Variants in NBPF14 observed in about 807,000 individuals in gnomAD.
NBPF14 encodes NBPF family member NBPF14.
Under a neutral mutation model 91.2 loss-of-function variants are expected in NBPF14, and 104 were observed. That is an observed-to-expected ratio of 1.14 (90% CI 0.97 to 1.34). The LOEUF (loss-of-function observed/expected upper bound fraction) is 1.34. Among genes scored for constraint, NBPF14 ranks in the 40% most tolerant of loss-of-function variants. The pLI, the probability that NBPF14 is intolerant of heterozygous loss-of-function variation, is 0.00. For missense variants in NBPF14, 908 were observed against 783.0 expected, an observed-to-expected ratio of 1.16 and a Z score of -1.91; for synonymous variants, 294 against 303.8, an observed-to-expected ratio of 0.97 and a Z score of 0.34.
At chr1:148,539,326 C>G (rs1312067392) in intron 63 of NBPF14, 84 bp downstream of exon 63, 1 of 577,890 alleles carries the variant, frequency 1.7e-6, no homozygotes, top group Non-Finnish European at 3.0e-6. Flanking sequence ...TCTCTCGGGT[C>G]AGTAAGGGGC....
At chr1:148,542,101 G>A (rs1470707960) in intron 59 of NBPF14, among the ~76,000 whole-genome samples, 10 of 100,918 alleles carry the variant, frequency 9.9e-5, no homozygotes, top group Admixed American at 4.4e-4. Context: ...AAACAGTTAC[G>A]CCATATTTTT....
exon 37 of NBPF14, chr1:148,559,811 A>G: frequency 2.6e-6 from 4 of 1,531,880 alleles, no homozygotes; most frequent in East Asian, 2.5e-5. Context: ...TCAACAGCCA[A>G]GCCAACACGC....
At chr1:148,533,753 A>C (rs1261410894) in intron 70 of NBPF14, 108 bp downstream of exon 70, 1 of 760,134 alleles carries the variant, frequency 1.3e-6, no homozygotes, top group Non-Finnish European at 2.4e-6. Flanking sequence ...CAGTAGGAGT[A>C]ATTCAGCCTT....
intron 37 of NBPF14, among the ~76,000 whole-genome samples, chr1:148,559,409 G>A (rs1250697786): frequency 0.015 from 2,051 of 133,958 alleles, 195 homozygotes; most frequent in Non-Finnish European, 0.02. Flanking sequence ...TATTCACCCT[G>A]TCTCATCAAA....
chr1:148,542,096 G>A (rs1312896266), intron 59 of NBPF14, among the ~76,000 whole-genome samples: 2 of 100,310 alleles, frequency 2.0e-5, no homozygotes, highest in African/African-American at 7.8e-5. Flanking sequence ...TGTGCAAACA[G>A]TTACGCCATA....
At chr1:148,542,430 T>A in intron 59 of NBPF14, 124 bp downstream of exon 59, 1 of 77,786 alleles carries the variant, frequency 1.3e-5, no homozygotes. Context: ...AACCTACATG[T>A]GCCTATAGGT....
At chr1:148,566,357 C>T (rs1363397620) in intron 28 of NBPF14, 42 bp from the exon 29 acceptor site, 2 of 749,868 alleles carry the variant, frequency 2.7e-6, no homozygotes, top group African/African-American at 1.9e-5. Flanking sequence ...CAGGGGAAAT[C>T]AGACACAACA....
In NBPF14 at chr1:148,585,973, C is replaced by G. The variant is rs1423974084; in HGVS notation, c.1306+282G>C. ...CTCTTTTCACTCTAACAAGCCTGCT[C>G]CCATCGCAGCCTCCTTCCTGTCCTT... On this transcript the variant is annotated intron_variant, in intron 9 of 70. Transcript: ENST00000619423. Among the ~76,000 whole-genome samples the G allele has an allele frequency of 9.3e-4, 141 of 151,270 alleles. No homozygotes were observed. In the East Asian group the frequency reaches 0.025, roughly 27 times the overall value.
At chr1:148,566,448 T>C (rs1658318208) in intron 28 of NBPF14, 133 bp from the exon 29 acceptor site, 8 of 600,158 alleles carry the variant, frequency 1.3e-5, no homozygotes, top group South Asian at 4.0e-5. Context: ...AGGTAACAAA[T>C]TGTTGCCTTC....
Position 148,559,690 on chromosome 1 carries a change from G to T in NBPF14, c.4729+103C>A, listed in dbSNP as rs1451336609. The T allele has an allele frequency of 1.5e-4, 100 of 686,496 alleles. 10 individuals carry two copies. The East Asian group carries it at 2.7e-3, about 19-fold the overall frequency. 42.5% of individuals were successfully genotyped at this position (686,496 alleles called of 1,614,324 possible). A position where few individuals can be genotyped will look rare whatever the true frequency, so the allele number is the denominator to read the frequency against. ...ACATGTGCCTATAGGTCCTCCCTGT[G>T]GCAATGACATCTCTCAGCTCAGTAA... On this transcript the variant is annotated intron_variant, in intron 37 of 70. Coordinates refer to ENST00000619423, the Ensembl canonical transcript of NBPF14.
rs1393190071 is a variant in NBPF14, at chr1:148,533,395, T to C, written c.8724-147A>G. 6 of 587,268 alleles carry C rather than the reference T, an allele frequency of 1.0e-5. No individual in the cohort carries two copies. In the African/African-American group the frequency reaches 1.0e-4, roughly 10 times the overall value. 36.4% of individuals were successfully genotyped at this position (587,268 alleles called of 1,614,324 possible). A position where few individuals can be genotyped will look rare whatever the true frequency, so the allele number is the denominator to read the frequency against. ...GAGGTAAAAAAAAAATTTATTGCCT[T>C]TATGTTGGGATAGAACAGGGCCAGG... On this transcript the variant is annotated intron_variant, in intron 70 of 70. Coordinates refer to ENST00000619423, the Ensembl canonical transcript of NBPF14.
At chr1:148,589,023 CTCTG>C (rs1662039461) in intron 7 of NBPF14, among the ~76,000 whole-genome samples, 157 bp downstream of exon 7, 1 of 60,476 alleles carries the variant, frequency 1.7e-5, no homozygotes, top group Admixed American at 1.8e-4. Flanking sequence ...ACTTTGGTAC[CTCTG>C]TCTTCCAACT....
chr1:148,539,250 T>G (rs1301787110), intron 63 of NBPF14, among the ~76,000 whole-genome samples, 160 bp downstream of exon 63: 2 of 113,710 alleles, frequency 1.8e-5, no homozygotes, highest in Non-Finnish European at 3.5e-5. Flanking sequence ...TGTCTAGGCT[T>G]CCAACTGAGA....
chr1:148,560,206 A>T (rs1208560617), intron 36 of NBPF14, among the ~76,000 whole-genome samples: 3 of 151,364 alleles, frequency 2.0e-5, no homozygotes, highest in East Asian at 3.9e-4. Flanking sequence ...AGAGAAAGTG[A>T]CCTAGTGAAT....
rs1456625701 is a variant in NBPF14 at position 148,593,555 on chromosome 1, C to T, written c.278+43G>A. ...CGCCGAGCTGCTGTACTTCAGAGAT[C>T]TACACACCTACCCGCCTGCCTCCCC... On this transcript the variant is annotated intron_variant, in intron 3 of 70. Coordinates refer to ENST00000619423, the Ensembl canonical transcript of NBPF14. The T allele has an allele frequency of 3.3e-6, 5 of 1,525,508 alleles. No homozygotes were observed. The South Asian group carries it at 3.4e-5, about 10-fold the overall frequency. The allele number at this position is 1,525,508 out of a possible 1,614,324, so 94.5% of individuals were successfully genotyped here. A position where few individuals can be genotyped will look rare whatever the true frequency, so the allele number is the denominator to read the frequency against.
At chr1:148,533,315 T>C in intron 70 of NBPF14, 67 bp from the exon 71 acceptor site, 3 of 494,618 alleles carry the variant, frequency 6.1e-6, no homozygotes, top group Non-Finnish European at 1.0e-5. Context: ...CCCAGCTAGA[T>C]TTCAGAAGCA....
chr1:148,534,595 C>A (rs1178560140), intron 69 of NBPF14, 89 bp downstream of exon 69: 5 of 875,936 alleles, frequency 5.7e-6, no homozygotes, highest in East Asian at 2.4e-5. Context: ...TGACATCTCT[C>A]GGGTGAGTAA....
At chr1:148,534,568 G>C in intron 69 of NBPF14, 116 bp downstream of exon 69, 1 of 774,902 alleles carries the variant, frequency 1.3e-6, no homozygotes, top group Non-Finnish European at 2.3e-6. Context: ...TGCGCCCATA[G>C]GTCCTGCCTG....
exon 71 of NBPF14, chr1:148,532,050 G>C (rs1299188269): frequency 6.6e-5 from 10 of 151,442 alleles, no homozygotes; most frequent in Non-Finnish European, 1.3e-4. Flanking sequence ...ACAACAAAAA[G>C]ATGAGGAAAT....
Sources: gnomAD v4.1 joint callset for allele counts (sites outside exome capture counted in the v4.1 genomes callset) on GRCh38, gnomAD v4.1.1 for gene constraint, MANE v1.5 for transcripts, NCBI Gene and HGNC (gene_info 2026-07-23, HGNC 2026-07-21) for gene names.